SCHIP1: variants seen among roughly 807,000 people sequenced by gnomAD.
The protein encoded by SCHIP1 is schwannomin interacting protein 1.
A neutral mutation model predicts 29.7 loss-of-function variants in SCHIP1; 8 were observed. The ratio of observed to expected loss-of-function variants is 0.27; its 90% confidence interval spans 0.16 to 0.49. The LOEUF is 0.49. SCHIP1 is among the 20% of genes least tolerant of loss of function. The pLI, the probability that SCHIP1 is intolerant of heterozygous loss-of-function variation, is 0.99. For missense variants in SCHIP1, 193 were observed against 294.6 expected (o/e 0.66, Z 2.52); for synonymous variants, 76 against 94.9 (o/e 0.80, Z 1.16).
chr3:159,680,724 A>ATAATATACATATATAATATATGTATAT, the SCHIP1 span, among the ~76,000 whole-genome samples: 1 of 73,022 alleles, frequency 1.4e-5, no homozygotes, highest in South Asian at 3.5e-4. Flanking sequence ...ATATATGTAT[A>ATAATATACATATATAATATATGTATAT]TATATAATAT....
rs78811256 is a variant in SCHIP1 at position 159,859,729 on chromosome 3, G to A, written c.31-6434G>A. 0.012 allele frequency among the ~76,000 whole-genome samples: 1,894 copies of A among 152,334 alleles called. 99 individuals carry two copies. The South Asian group carries it at 0.17, about 13-fold the overall frequency. On this transcript the variant is annotated intron_variant, in intron 1 of 6. Coordinates refer to ENST00000445224, the Ensembl canonical transcript of SCHIP1. ...TGGAACAGATGTGTGCTCAATTACAGAAGAACCAACTCTGTGTTTCATCTA... is the reference window on the plus strand; with the variant it reads ...TGGAACAGATGTGTGCTCAATTACAAAAGAACCAACTCTGTGTTTCATCTA...
the SCHIP1 span, among the ~76,000 whole-genome samples, chr3:159,584,816 G>A: frequency 7.2e-5 from 11 of 152,046 alleles, no homozygotes; most frequent in South Asian, 6.2e-4. Context: ...CCAAAGAAAC[G>A]ATGGGTGGCT....
chr3:159,587,485 T>TC, the SCHIP1 span, among the ~76,000 whole-genome samples: 53 of 152,326 alleles, frequency 3.5e-4, no homozygotes, highest in African/African-American at 1.2e-3. Flanking sequence ...TTATTTTTAT[T>TC]ATACTTTAAG....
chr3:159,740,757 T>A, the SCHIP1 span, among the ~76,000 whole-genome samples: 1 of 73,784 alleles, frequency 1.4e-5, no homozygotes, highest in East Asian at 3.6e-4. Context: ...CAGAATTGTA[T>A]ATTCAAAAAA....
At chr3:159,371,485 G>T in the SCHIP1 span, among the ~76,000 whole-genome samples, 1 of 152,138 alleles carries the variant, frequency 6.6e-6, no homozygotes, top group Non-Finnish European at 1.5e-5. Context: ...CTAGAGAGAG[G>T]TCTGTATAAA....
At chr3:159,453,787 G>C in the SCHIP1 span, among the ~76,000 whole-genome samples, 1 of 152,144 alleles carries the variant, frequency 6.6e-6, no homozygotes, top group Admixed American at 6.6e-5. Flanking sequence ...CATGTAGCTT[G>C]TCAAGTGCTG....
At chr3:159,549,568 A>C in the SCHIP1 span, among the ~76,000 whole-genome samples, 3 of 152,150 alleles carry the variant, frequency 2.0e-5, no homozygotes. Context: ...GCACACAGTG[A>C]GATAACAGTC....
At chr3:159,396,837 C>T in the SCHIP1 span, among the ~76,000 whole-genome samples, 2 of 151,818 alleles carry the variant, frequency 1.3e-5, no homozygotes, top group Admixed American at 1.3e-4. Flanking sequence ...TTGTGGTGTT[C>T]TCTGTATTTC....
chr3:159,761,901 G>A, the SCHIP1 span, among the ~76,000 whole-genome samples: 1 of 152,078 alleles, frequency 6.6e-6, no homozygotes, highest in Admixed American at 6.5e-5. Flanking sequence ...TGGCTGAGGA[G>A]GTCCTAATAT....
chr3:159,524,836 C>T, the SCHIP1 span, among the ~76,000 whole-genome samples: 1 of 152,212 alleles, frequency 6.6e-6, no homozygotes, highest in East Asian at 1.9e-4. Context: ...CCTCCTTTCA[C>T]AGTCTGTATC....
chr3:159,297,689 C>T, the SCHIP1 span, among the ~76,000 whole-genome samples: 2 of 152,120 alleles, frequency 1.3e-5, no homozygotes, highest in African/African-American at 4.8e-5. Flanking sequence ...TTTCAGATGC[C>T]ACTAATGCAC....
the SCHIP1 span, among the ~76,000 whole-genome samples, chr3:159,626,652 T>A: frequency 3.3e-5 from 5 of 151,420 alleles, no homozygotes; most frequent in African/African-American, 1.2e-4. Context: ...GATAGTAGTT[T>A]GCTTTTTCAC....
At chr3:159,875,181 C>T (rs1715677353) in intron 2 of SCHIP1, among the ~76,000 whole-genome samples, 1 of 152,114 alleles carries the variant, frequency 6.6e-6, no homozygotes, top group Non-Finnish European at 1.5e-5. Context: ...ATTATGTAAG[C>T]AATTCTTCTC....
the SCHIP1 span, among the ~76,000 whole-genome samples, chr3:159,728,005 T>G: frequency 3.4e-5 from 5 of 147,072 alleles, no homozygotes; most frequent in East Asian, 2.0e-4. Context: ...TGTTTTTGTT[T>G]TTTTTTTTTT....
At chr3:159,669,943 G>A in the SCHIP1 span, among the ~76,000 whole-genome samples, 649 of 152,278 alleles carry the variant, frequency 4.3e-3, 2 homozygotes, top group African/African-American at 0.014. Context: ...AGGGAGCTGC[G>A]TGAGTCAGTG....
the SCHIP1 span, among the ~76,000 whole-genome samples, chr3:159,809,660 C>CA: frequency 0.14 from 14,192 of 98,332 alleles, 858 homozygotes; most frequent in East Asian, 0.25. Context: ...AACTCCATCT[C>CA]AAAAAAAAAA....
At chr3:159,368,273 T>G in the SCHIP1 span, among the ~76,000 whole-genome samples, 3 of 152,214 alleles carry the variant, frequency 2.0e-5, no homozygotes, top group African/African-American at 7.2e-5. Flanking sequence ...TACTGTAAGA[T>G]GCTGCTTCTG....
chr3:159,476,030 G>A, the SCHIP1 span, among the ~76,000 whole-genome samples: 1 of 152,164 alleles, frequency 6.6e-6, no homozygotes, highest in Non-Finnish European at 1.5e-5. Flanking sequence ...GCTGCCACTT[G>A]GGCCTGGTTA....
At chr3:159,875,823 T>TGGCATGTGCCTGTAGTCACAGC (rs1715743364) in intron 2 of SCHIP1, among the ~76,000 whole-genome samples, 1 of 152,130 alleles carries the variant, frequency 6.6e-6, no homozygotes, top group African/African-American at 2.4e-5. Context: ...CCAGGCACAG[T>TGGCATGTGCCTGTAGTCACAGC]GGCATGTGCC....
Sources: allele counts gnomAD v4.1 joint callset (sites outside exome capture counted in the v4.1 genomes callset), GRCh38; gene constraint gnomAD v4.1.1; transcripts MANE v1.5; gene names NCBI Gene and HGNC (gene_info 2026-07-23, HGNC 2026-07-21).